Variants in TAFA1 observed in about 807,000 individuals in gnomAD.
TAFA1 encodes TAFA chemokine like family member 1.
A neutral mutation model predicts 18.5 loss-of-function variants in TAFA1; 4 were observed. The observed-to-expected ratio is 0.22, with a 90% CI of 0.11 to 0.49. The LOEUF (loss-of-function observed/expected upper bound fraction) is 0.49, where lower values mean the gene tolerates loss of function less well. Ranked by LOEUF, TAFA1 falls within the 20% of genes least tolerant of loss-of-function variation. The pLI is 0.98. For missense variants in TAFA1, 147 were observed against 169.0 expected (o/e 0.87, Z 0.72); for synonymous variants, 56 against 55.2 (o/e 1.01, Z -0.06).
intron 2 of TAFA1, among the ~76,000 whole-genome samples, chr3:68,216,251 G>C (rs559759262): frequency 6.6e-6 from 1 of 151,940 alleles, no homozygotes; most frequent in Non-Finnish European, 1.5e-5. Flanking sequence ...ATGACAAAAC[G>C]CATTTGTCAA....
At chr3:68,051,820 A>G (rs950386707) in intron 2 of TAFA1, among the ~76,000 whole-genome samples, 7 of 152,142 alleles carry the variant, frequency 4.6e-5, no homozygotes, top group Non-Finnish European at 8.8e-5. Flanking sequence ...CTATCGTTTA[A>G]AAAATACACC....
intron 3 of TAFA1, among the ~76,000 whole-genome samples, chr3:68,509,651 C>G (rs1559699116): frequency 6.6e-6 from 1 of 152,078 alleles, no homozygotes; most frequent in Non-Finnish European, 1.5e-5. Context: ...AACCCAAAGC[C>G]TCTTGAAAGG....
chr3:68,536,390 C>A (rs2073278687), intron 3 of TAFA1, among the ~76,000 whole-genome samples: 1 of 152,182 alleles, frequency 6.6e-6, no homozygotes. Flanking sequence ...TGTCATTTGG[C>A]TTCTTTGTGT....
chr3:68,000,318 A>G (rs1704270467), upstream of TAFA1, among the ~76,000 whole-genome samples: 1 of 152,234 alleles, frequency 6.6e-6, no homozygotes, highest in East Asian at 1.9e-4. Flanking sequence ...CATTAAACAA[A>G]TAATTCCAGA....
chr3:68,064,748 G>T (rs1320030276), intron 2 of TAFA1, among the ~76,000 whole-genome samples: 6 of 151,632 alleles, frequency 4.0e-5, no homozygotes, highest in Non-Finnish European at 8.8e-5. Flanking sequence ...TGCTTGAGAA[G>T]TATCCTATTG....
intron 2 of TAFA1, among the ~76,000 whole-genome samples, chr3:68,391,363 G>A (rs914542161): frequency 6.6e-6 from 1 of 152,152 alleles, no homozygotes; most frequent in African/African-American, 2.4e-5. Context: ...ATGGGACTAT[G>A]TGAAAAGACC....
At chr3:68,088,712 T>A (rs942559207) in intron 2 of TAFA1, among the ~76,000 whole-genome samples, 1 of 152,178 alleles carries the variant, frequency 6.6e-6, no homozygotes, top group Non-Finnish European at 1.5e-5. Context: ...CAATGAGAGC[T>A]CTGAGCCAAG....
intron 2 of TAFA1, among the ~76,000 whole-genome samples, chr3:68,281,908 C>G (rs2067904311): frequency 6.6e-6 from 1 of 152,120 alleles, no homozygotes; most frequent in Non-Finnish European, 1.5e-5. Context: ...CATTCTCACG[C>G]TGCTAATAAA....
In TAFA1 at chr3:68,214,852, A is replaced by AT. The variant is rs767220598; in HGVS notation, c.119-202420dup. Among the ~76,000 whole-genome samples, 30 of 151,798 alleles carry AT rather than the reference A, an allele frequency of 2.0e-4. No homozygotes were observed. The East Asian group carries it at 2.3e-3, about 12-fold the overall frequency. ...CCTGTTTTTTAAATAATACACATCAATTTTTTTTAAGTGGGAAGAAAAGAG... is the reference window on the plus strand; with the variant it reads ...CCTGTTTTTTAAATAATACACATCAATTTTTTTTTAAGTGGGAAGAAAAGAG... On this transcript the variant is annotated intron_variant, in intron 2 of 4. Transcript: ENST00000478136.
chr3:68,412,725 C>T (rs1466146473), intron 2 of TAFA1, among the ~76,000 whole-genome samples: 1 of 152,114 alleles, frequency 6.6e-6, no homozygotes, highest in African/African-American at 2.4e-5. Context: ...TTTATGGCTG[C>T]ATAGTATTCC....
intron 3 of TAFA1, among the ~76,000 whole-genome samples, chr3:68,505,940 C>A (rs1454909777): frequency 6.6e-6 from 1 of 151,112 alleles, no homozygotes. Flanking sequence ...ACAGGACATG[C>A]AGGTTTGTTA....
chr3:68,103,146 GGAGCCAGAGGT>G (rs1251184528), intron 2 of TAFA1, among the ~76,000 whole-genome samples: 3 of 152,208 alleles, frequency 2.0e-5, no homozygotes, highest in South Asian at 4.1e-4. Context: ...AGTGCAGGCT[GGAGCCAGAGGT>G]GAGGATGAGG....
intron 2 of TAFA1, among the ~76,000 whole-genome samples, chr3:68,242,243 G>T (rs1299508871): frequency 6.6e-6 from 1 of 152,126 alleles, no homozygotes; most frequent in African/African-American, 2.4e-5. Flanking sequence ...GTGACTCTGT[G>T]TTTAGGTAAG....
intron 2 of TAFA1, among the ~76,000 whole-genome samples, chr3:68,281,450 C>G (rs2067895503): frequency 1.3e-5 from 2 of 150,084 alleles, no homozygotes; most frequent in Admixed American, 1.3e-4. Context: ...TTGCTGGGCA[C>G]CAGTTTCCAC....
chr3:68,159,609 T>C (rs1559542064), intron 2 of TAFA1, among the ~76,000 whole-genome samples: 1 of 152,224 alleles, frequency 6.6e-6, no homozygotes, highest in East Asian at 1.9e-4. Flanking sequence ...TTTTACTTCC[T>C]CTTCACTGGA....
chr3:68,498,967 G>C (rs74888567), intron 3 of TAFA1, among the ~76,000 whole-genome samples: 145 of 152,052 alleles, frequency 9.5e-4, no homozygotes, highest in African/African-American at 3.4e-3. Flanking sequence ...GACATGTATA[G>C]GCTGGGGCCT....
chr3:68,117,158 T>G (rs1451187165), intron 2 of TAFA1, among the ~76,000 whole-genome samples: 1 of 152,238 alleles, frequency 6.6e-6, no homozygotes, highest in African/African-American at 2.4e-5. Context: ...CACTGTGGTC[T>G]CTTCTTGGAA....
intron 2 of TAFA1, among the ~76,000 whole-genome samples, chr3:68,222,485 G>A (rs1173326515): frequency 6.6e-6 from 1 of 152,014 alleles, no homozygotes; most frequent in Non-Finnish European, 1.5e-5. Context: ...GCTTAGTTAT[G>A]TTTCTACTTG....
chr3:68,270,668 G>A (rs1217320710), intron 2 of TAFA1, among the ~76,000 whole-genome samples: 2 of 152,124 alleles, frequency 1.3e-5, no homozygotes, highest in African/African-American at 4.8e-5. Flanking sequence ...TTTGGCTGGA[G>A]CTACCCTCAT....
Sources: allele counts gnomAD v4.1 joint callset (sites outside exome capture counted in the v4.1 genomes callset), GRCh38; gene constraint gnomAD v4.1.1; transcripts MANE v1.5; gene names NCBI Gene and HGNC (gene_info 2026-07-23, HGNC 2026-07-21).